The following RAD54B variants were observed in gnomAD, a reference collection of about 807,000 sequenced individuals.
The protein encoded by RAD54B is RAD54 homolog B.
RAD54B carries 78 observed loss-of-function variants against 95.8 expected under a neutral mutation model. That is an observed-to-expected ratio of 0.81 (90% CI 0.68 to 0.98). The LOEUF (loss-of-function observed/expected upper bound fraction) is 0.98, where lower values mean the gene tolerates loss of function less well. Ranked by LOEUF, RAD54B falls within the 50% of genes least tolerant of loss-of-function variation. RAD54B has a pLI of 0.00. For synonymous variants in RAD54B, 328 were observed against 354.9 expected (o/e 0.92, Z 0.85); for missense variants, 957 against 1,056.6 (o/e 0.91, Z 1.31).
chr8:94,431,926 G>C, intron 3 of RAD54B: 1 of 1,219,134 alleles, frequency 8.2e-7, no homozygotes, highest in Non-Finnish European at 1.0e-6. Context: ...AAAAAAAGAA[G>C]ACAATAAAAA....
At chr8:94,373,752 G>C (rs560088815) in intron 14 of RAD54B, among the ~76,000 whole-genome samples, 1 of 152,252 alleles carries the variant, frequency 6.6e-6, no homozygotes, top group Non-Finnish European at 1.5e-5. Flanking sequence ...TCTATCCTAA[G>C]AGCAATAGGA....
At chr8:94,421,094 A>C (rs1811798050) in intron 3 of RAD54B, among the ~76,000 whole-genome samples, 2 of 152,094 alleles carry the variant, frequency 1.3e-5, no homozygotes, top group Admixed American at 6.5e-5. Flanking sequence ...TGCTTCTTCA[A>C]ATTCCCAATC....
chr8:94,432,705 A>C lies in RAD54B; in HGVS notation c.305-21390T>G, dbSNP rs147698302. On this transcript the variant is annotated intron_variant, in intron 3 of 14. Transcript: ENST00000336148. The stretch of plus-strand genomic sequence containing the variant: ...TAATATGTAAATCAAATGAAGAAAA[A>C]GTGTATATTTATAGCATAATTTTAA... 3.3e-5 allele frequency: 47 copies of C among 1,411,096 alleles called. No individual in the cohort carries two copies. In the African/African-American group the frequency reaches 6.1e-4, roughly 18 times the overall value. 87.4% of individuals were successfully genotyped at this position (1,411,096 alleles called of 1,614,324 possible). A position where few individuals can be genotyped will look rare whatever the true frequency, so the allele number is the denominator to read the frequency against.
chr8:94,459,158 TC>T, intron 2 of RAD54B, among the ~76,000 whole-genome samples: 1 of 152,146 alleles, frequency 6.6e-6, no homozygotes, highest in East Asian at 1.9e-4. Context: ...AGCCCCCACC[TC>T]TTTTTTTAAG....
rs183590451 is a variant in RAD54B at position 94,448,987 on chromosome 8, A to C, written c.304+9281T>G. ...ATATGTTAACTTGCTTCACTATATT[A>C]CCATTTTACTGTCTCTATATATGTA... On this transcript the variant is annotated intron_variant, in intron 3 of 14. Coordinates refer to ENST00000336148, the MANE Select transcript of RAD54B (RefSeq NM_012415.3). Among the ~76,000 whole-genome samples, 15 of 152,156 alleles carry C rather than the reference A, an allele frequency of 9.9e-5. No homozygotes were observed. In the East Asian group the frequency reaches 2.7e-3, roughly 27 times the overall value.
intron 11 of RAD54B, 99 bp downstream of exon 11, chr8:94,386,885 T>C: frequency 1.2e-6 from 1 of 832,788 alleles, no homozygotes; most frequent in Non-Finnish European, 1.7e-6. Flanking sequence ...AAATAACTTA[T>C]TTTTAATGTT....
chr8:94,441,040 G>T (rs1812384832), intron 3 of RAD54B, among the ~76,000 whole-genome samples: 1 of 152,170 alleles, frequency 6.6e-6, no homozygotes, highest in Admixed American at 6.5e-5. Flanking sequence ...TCCAGGCATT[G>T]TATGGAAGAA....
At chr8:94,373,264 G>A (rs1279692526) in intron 14 of RAD54B, among the ~76,000 whole-genome samples, 1 of 152,228 alleles carries the variant, frequency 6.6e-6, no homozygotes, top group Non-Finnish European at 1.5e-5. Context: ...AATGCACAGT[G>A]AAGCAAGTAT....
intron 1 of RAD54B, 44 bp from the exon 2 acceptor site, chr8:94,467,599 C>T (rs894432313): frequency 6.5e-7 from 1 of 1,534,710 alleles, no homozygotes; most frequent in Non-Finnish European, 8.8e-7. Flanking sequence ...AATCTAATTA[C>T]AATCACCCCC....
chr8:94,397,966 A>T (rs543292051), intron 8 of RAD54B, among the ~76,000 whole-genome samples: 7 of 152,226 alleles, frequency 4.6e-5, no homozygotes, highest in African/African-American at 1.4e-4. Context: ...CAGCACTGGA[A>T]ATCAAGTATA....
intron 3 of RAD54B, among the ~76,000 whole-genome samples, chr8:94,424,101 A>C (rs1811885441): frequency 6.6e-6 from 1 of 152,218 alleles, no homozygotes; most frequent in African/African-American, 2.4e-5. Flanking sequence ...TGAACAAGAT[A>C]ACTAAATTCT....
At chr8:94,458,784 T>C (rs1812835359) in intron 2 of RAD54B, among the ~76,000 whole-genome samples, 1 of 152,032 alleles carries the variant, frequency 6.6e-6, no homozygotes, top group South Asian at 2.1e-4. Flanking sequence ...GGAGAATCGC[T>C]TGAACTCAGG....
chr8:94,426,494 AT>A (rs1811945622), intron 3 of RAD54B, among the ~76,000 whole-genome samples: 1 of 152,206 alleles, frequency 6.6e-6, no homozygotes, highest in African/African-American at 2.4e-5. Context: ...AGTGTGGTAT[AT>A]TTATGCAATG....
intron 3 of RAD54B, among the ~76,000 whole-genome samples, chr8:94,457,056 A>G (rs1420719065): frequency 6.6e-6 from 1 of 152,196 alleles, no homozygotes; most frequent in Non-Finnish European, 1.5e-5. Flanking sequence ...AATACAAATA[A>G]AGCCCAAGAT....
chr8:94,440,474 G>A (rs1253183178), intron 3 of RAD54B, among the ~76,000 whole-genome samples: 1 of 152,174 alleles, frequency 6.6e-6, no homozygotes, highest in African/African-American at 2.4e-5. Flanking sequence ...AGAATATTAC[G>A]AATATATGTG....
At chr8:94,392,415 C>G (rs1168152066) in intron 9 of RAD54B, among the ~76,000 whole-genome samples, 1 of 151,992 alleles carries the variant, frequency 6.6e-6, no homozygotes, top group Admixed American at 6.6e-5. Context: ...GCACACACCA[C>G]TATATCTGGC....
chr8:94,473,008 C>T (rs1166067543), intron 1 of RAD54B, among the ~76,000 whole-genome samples: 2 of 152,048 alleles, frequency 1.3e-5, no homozygotes, highest in Non-Finnish European at 2.9e-5. Context: ...CTGCTACTTA[C>T]ATATGACCTT....
rs1322364586 is a variant in RAD54B, at chr8:94,378,573, G to A, written c.2309C>T (p.Thr770Ile). The change falls in exon 13 of 15, where the codon ACT (threonine) becomes ATT (isoleucine). Residue 770 changes from threonine to isoleucine, a missense_variant. Physicochemically the swap from Thr to Ile is moderately conservative, Grantham distance 89 (BLOSUM62 -1). Coordinates refer to ENST00000336148, the MANE Select transcript of RAD54B (RefSeq NM_012415.3). Reference sequence around the variant, plus strand: ...TCACACTGAAGGGTTGTTACCTGTAGTTAGGAGTCTGTAAATATGTACAGG... The same window carrying A: ...TCACACTGAAGGGTTGTTACCTGTAATTAGGAGTCTGTAAATATGTACAGG... ...KYPVHIYRLL[T>I]TGTIEEKIYQ... is the part of the protein sequence containing the mutation. 3 of 1,604,848 alleles carry A rather than the reference G, an allele frequency of 1.9e-6. No homozygotes were observed. Among genetic ancestry groups the A allele is most frequent in the Non-Finnish European group, 2.6e-6 (3 of 1,174,740 alleles).
At chr8:94,409,724 AATTTTC>A in intron 4 of RAD54B, among the ~76,000 whole-genome samples, 2 of 152,242 alleles carry the variant, frequency 1.3e-5, no homozygotes, top group African/African-American at 4.8e-5. Flanking sequence ...TTTTAAGCCT[AATTTTC>A]ATTTTTTGTT....
Sources: gnomAD v4.1 joint callset for allele counts (sites outside exome capture counted in the v4.1 genomes callset) on GRCh38, gnomAD v4.1.1 for gene constraint, MANE v1.5 for transcripts, NCBI Gene and HGNC (gene_info 2026-07-23, HGNC 2026-07-21) for gene names.